The following DAAM1 variants were observed in gnomAD, a reference collection of about 807,000 sequenced individuals.
The protein encoded by DAAM1 is disheveled-associated activator of morphogenesis 1.
DAAM1 carries 52 observed loss-of-function variants against 130.0 expected under a neutral mutation model. The ratio of observed to expected loss-of-function variants is 0.40; its 90% CI spans 0.32 to 0.50. The LOEUF (loss-of-function observed/expected upper bound fraction) is 0.50. Ranked by LOEUF, DAAM1 falls within the 20% of genes least tolerant of loss-of-function variation. The probability of loss-of-function intolerance (pLI) is 0.61; values close to 1 mark genes in which losing one functional copy is unlikely to be tolerated. For missense variants in DAAM1, 1,134 were observed against 1,303.8 expected, an observed-to-expected ratio of 0.87 and a Z score of 2.01; for synonymous variants, 452 against 444.5, an observed-to-expected ratio of 1.02 and a Z score of -0.21.
At chr14:59,259,267 G>A (rs1882056000) in intron 1 of DAAM1, among the ~76,000 whole-genome samples, 1 of 152,086 alleles carries the variant, frequency 6.6e-6, no homozygotes, top group Non-Finnish European at 1.5e-5. Flanking sequence ...CCCAGACCTC[G>A]ATTTACAGTT....
chr14:59,199,452 G>A (rs1374633507), intron 1 of DAAM1, among the ~76,000 whole-genome samples: 1 of 152,104 alleles, frequency 6.6e-6, no homozygotes, highest in African/African-American at 2.4e-5. Flanking sequence ...AGTGAATGTA[G>A]CCAGCTGTCC....
At chr14:59,317,344 A>C (rs572434348) in intron 4 of DAAM1, among the ~76,000 whole-genome samples, 71 of 152,294 alleles carry the variant, frequency 4.7e-4, no homozygotes, top group African/African-American at 1.7e-3. Flanking sequence ...TGAGACCAGA[A>C]ACCCTATGCT....
chr14:59,291,031 C>T (rs1268760251), intron 2 of DAAM1, among the ~76,000 whole-genome samples, 186 bp from the exon 3 acceptor site: 1 of 152,136 alleles, frequency 6.6e-6, no homozygotes, highest in Non-Finnish European at 1.5e-5. Flanking sequence ...CATGCCTAGC[C>T]CCCTGCCAGG....
intron 3 of DAAM1, among the ~76,000 whole-genome samples, chr14:59,310,687 A>C (rs1183314971): frequency 6.6e-6 from 1 of 152,196 alleles, no homozygotes; most frequent in East Asian, 1.9e-4. Flanking sequence ...CTGTATCTCC[A>C]CTATATTTGA....
At chr14:59,274,798 A>T (rs1475222378) in intron 2 of DAAM1, among the ~76,000 whole-genome samples, 1 of 152,232 alleles carries the variant, frequency 6.6e-6, no homozygotes, top group Non-Finnish European at 1.5e-5. Context: ...ACCTGCTGTC[A>T]TCCTGTTTTA....
At chr14:59,281,078 C>A (rs1883194346) in intron 2 of DAAM1, among the ~76,000 whole-genome samples, 1 of 152,124 alleles carries the variant, frequency 6.6e-6, no homozygotes, top group African/African-American at 2.4e-5. Context: ...GATTTCTCTG[C>A]AAGAGTTGAC....
Position 59,331,371 on chromosome 14 carries a change from C to T in DAAM1, c.1723C>T (p.Pro575Ser), listed in dbSNP as rs1367490108. 1.9e-6 allele frequency: 3 copies of T among 1,612,736 alleles called. No individual in the cohort carries two copies. The highest frequency in any genetic ancestry group is 2.5e-6 in the Non-Finnish European group (3 of 1,179,668). The change falls in exon 14 of 25, where the codon CCT becomes TCT. Residue 575 changes from proline (P) to serine (S), a missense_variant. Physicochemically the swap from Pro to Ser is moderately conservative, Grantham distance 74. Transcript: ENST00000360909. ...PPPPLPPGGP[P>S]PPPGPPPLGA... is the part of the protein sequence containing the mutation. ...GCCTCCCCTCCCTCCAGGTGGCCCTCCTCCTCCCCCAGGGCCTCCTCCCTT... is the reference window on the plus strand; with the variant it reads ...GCCTCCCCTCCCTCCAGGTGGCCCTTCTCCTCCCCCAGGGCCTCCTCCCTT...
At chr14:59,296,993 A>G (rs1176408024) in intron 3 of DAAM1, among the ~76,000 whole-genome samples, 1 of 152,198 alleles carries the variant, frequency 6.6e-6, no homozygotes. Context: ...GGAAACTCCA[A>G]CACTGGCTGA....
chr14:59,238,035 G>A (rs1391204262), intron 1 of DAAM1, among the ~76,000 whole-genome samples: 1 of 152,118 alleles, frequency 6.6e-6, no homozygotes, highest in Non-Finnish European at 1.5e-5. Context: ...AATGGCTCAG[G>A]TCATGGTAAA....
At chr14:59,322,607 T>C (rs1885055741) in intron 5 of DAAM1, among the ~76,000 whole-genome samples, 1 of 152,186 alleles carries the variant, frequency 6.6e-6, no homozygotes, top group Non-Finnish European at 1.5e-5. Flanking sequence ...CCGAGTATTC[T>C]CTTGCTTCTA....
intron 1 of DAAM1, among the ~76,000 whole-genome samples, chr14:59,261,754 A>G (rs1394500605): frequency 1.3e-5 from 2 of 152,214 alleles, no homozygotes; most frequent in Non-Finnish European, 2.9e-5. Flanking sequence ...AAATCAAGAA[A>G]TTGGCTACAG....
chr14:59,305,065 T>A (rs1884320632), intron 3 of DAAM1, among the ~76,000 whole-genome samples: 1 of 152,196 alleles, frequency 6.6e-6, no homozygotes, highest in South Asian at 2.1e-4. Flanking sequence ...GGTAGCAAGA[T>A]GTGAGGCAGC....
chr14:59,342,346 C>T (rs1417933282), intron 16 of DAAM1, among the ~76,000 whole-genome samples: 1 of 152,204 alleles, frequency 6.6e-6, no homozygotes, highest in East Asian at 1.9e-4. Flanking sequence ...CTTTTGTGCT[C>T]ACTGGTCAGT....
intron 22 of DAAM1, among the ~76,000 whole-genome samples, chr14:59,361,684 C>T (rs1354151365): frequency 6.6e-6 from 1 of 152,220 alleles, no homozygotes; most frequent in Non-Finnish European, 1.5e-5. Context: ...CCTGCGGGTA[C>T]TCTGCAGATG....
At chr14:59,359,558 C>A in intron 21 of DAAM1, 54 bp downstream of exon 21, 1 of 1,406,368 alleles carries the variant, frequency 7.1e-7, no homozygotes, top group Non-Finnish European at 1.0e-6. Context: ...TGTGTGTTAG[C>A]CATTGAGGTA....
chr14:59,291,446 C>T, intron 3 of DAAM1, 140 bp downstream of exon 3: 1 of 652,118 alleles, frequency 1.5e-6, no homozygotes, highest in East Asian at 3.1e-5. Flanking sequence ...TGTGGTGCTA[C>T]ATGTAGCCAG....
intron 1 of DAAM1, among the ~76,000 whole-genome samples, chr14:59,249,498 A>G (rs967231691): frequency 2.0e-5 from 3 of 152,226 alleles, no homozygotes; most frequent in Admixed American, 6.5e-5. Context: ...TTAAGTGGCC[A>G]TATTTGAGGG....
At chr14:59,210,742 G>C (rs1288778262) in intron 1 of DAAM1, among the ~76,000 whole-genome samples, 1 of 152,136 alleles carries the variant, frequency 6.6e-6, no homozygotes, top group African/African-American at 2.4e-5. Flanking sequence ...CTGATGGTGT[G>C]ACTGCTACAA....
intron 1 of DAAM1, among the ~76,000 whole-genome samples, chr14:59,262,931 A>G (rs929234970): frequency 3.3e-5 from 5 of 152,220 alleles, no homozygotes; most frequent in African/African-American, 1.2e-4. Context: ...TAACAGGAAG[A>G]CACACTCATA....
Sources: allele counts gnomAD v4.1 joint callset (sites outside exome capture counted in the v4.1 genomes callset), GRCh38; gene constraint gnomAD v4.1.1; transcripts MANE v1.5; gene names NCBI Gene and HGNC (gene_info 2026-07-23, HGNC 2026-07-21).